C3orf49: variants seen among roughly 807,000 people sequenced by gnomAD.
The protein encoded by C3orf49 is putative uncharacterized protein C3orf49.
In C3orf49, 27 loss-of-function variants were observed where a neutral mutation model predicts 13.3. The observed-to-expected ratio is 2.02, with a 90% confidence interval of 1.49 to 2.79. The LOEUF is 2.79. Ranked by LOEUF, C3orf49 falls within the 30% of genes most tolerant of loss-of-function variation. C3orf49 has a pLI of 0.00. For missense variants in C3orf49, 242 were observed against 134.2 expected (o/e 1.80, Z -3.97); for synonymous variants, 87 against 47.6 (o/e 1.83, Z -3.40).
At chr3:63,835,489 A>G (rs1701612701) in intron 5 of C3orf49, 1 of 1,087,182 alleles carries the variant, frequency 9.2e-7, no homozygotes, top group African/African-American at 1.6e-5. Context: ...TTTTAAAATA[A>G]AAAAAGGGCT....
the C3orf49 span, among the ~76,000 whole-genome samples, chr3:63,781,083 G>T: frequency 6.6e-6 from 1 of 150,984 alleles, no homozygotes; most frequent in Non-Finnish European, 1.5e-5. Flanking sequence ...GTCCTGAATG[G>T]TAATGCCTAG....
At chr3:63,792,371 T>C in the C3orf49 span, among the ~76,000 whole-genome samples, 1 of 152,242 alleles carries the variant, frequency 6.6e-6, no homozygotes, top group South Asian at 2.1e-4. Context: ...TCAAGCCAAA[T>C]TGTTTTTCGG....
the C3orf49 span, among the ~76,000 whole-genome samples, chr3:63,800,313 A>T: frequency 7.2e-5 from 11 of 152,258 alleles, no homozygotes; most frequent in African/African-American, 2.6e-4. Flanking sequence ...TCAGGATATA[A>T]ATCTCAGTAA....
rs544215344 is a variant in C3orf49 at position 63,842,873 on chromosome 3, C to G, written c.850-2150C>G. ...CTCGGCTCACTGCAACCTCCACCTA[C>G]TGGGTTCAAGCCAGCCTCCTACCTC... On this transcript the variant is annotated intron_variant, in intron 5 of 6. Transcript: ENST00000295896. Among the ~76,000 whole-genome samples the G allele has an allele frequency of 6.6e-5, 10 of 152,202 alleles. No individual in the cohort carries two copies. In the East Asian group the frequency reaches 1.5e-3, roughly 24 times the overall value.
the C3orf49 span, among the ~76,000 whole-genome samples, chr3:63,791,418 T>C: frequency 1.3e-5 from 2 of 152,348 alleles, 1 homozygote; most frequent in South Asian, 4.1e-4. Context: ...AATTGATTGG[T>C]AAAGGCTACC....
At chr3:63,791,089 A>C in the C3orf49 span, among the ~76,000 whole-genome samples, 5 of 152,222 alleles carry the variant, frequency 3.3e-5, no homozygotes, top group Admixed American at 3.3e-4. Flanking sequence ...AACCTGCAAG[A>C]AACACCCAAA....
the C3orf49 span, among the ~76,000 whole-genome samples, chr3:63,801,176 C>A: frequency 6.6e-6 from 1 of 152,142 alleles, no homozygotes; most frequent in Non-Finnish European, 1.5e-5. Flanking sequence ...GGATTAATAT[C>A]TCAGTTTAAT....
chr3:63,828,491 C>T (rs1466069312), intron 3 of C3orf49, among the ~76,000 whole-genome samples: 1 of 151,960 alleles, frequency 6.6e-6, no homozygotes, highest in Non-Finnish European at 1.5e-5. Flanking sequence ...GTAGAGACAG[C>T]GTTTCGCCAT....
chr3:63,830,139 C>G (rs1385715298), intron 3 of C3orf49, among the ~76,000 whole-genome samples: 3 of 152,166 alleles, frequency 2.0e-5, no homozygotes, highest in Non-Finnish European at 4.4e-5. Flanking sequence ...GGTGTGGTCT[C>G]TTCAGTCCAT....
the C3orf49 span, among the ~76,000 whole-genome samples, chr3:63,796,415 A>C: frequency 2.0e-5 from 3 of 152,204 alleles, no homozygotes; most frequent in African/African-American, 7.2e-5. Context: ...AATGTTTAAA[A>C]GAACCCACAA....
chr3:63,802,697 T>C, the C3orf49 span, among the ~76,000 whole-genome samples: 5 of 152,202 alleles, frequency 3.3e-5, no homozygotes, highest in Admixed American at 6.5e-5. Flanking sequence ...GACAGCACTT[T>C]CCATACATTA....
At chr3:63,804,808 C>G in the C3orf49 span, among the ~76,000 whole-genome samples, 1 of 152,106 alleles carries the variant, frequency 6.6e-6, no homozygotes, top group Non-Finnish European at 1.5e-5. Context: ...CAAGTCAATT[C>G]CATGAGGGCA....
Position 63,835,281 on chromosome 3 carries a change from G to GTGT in C3orf49, c.849+3437_849+3438insTGT, listed in dbSNP as rs574009018. On this transcript the variant is annotated intron_variant, in intron 5 of 6. Transcript: ENST00000295896. ...ACCTGTATATATAGATATATAGACA[G>GTGT]ACAGATAGACAGATCATGAAGGCTA... The GTGT allele has an allele frequency of 4.6e-3, 7,474 of 1,612,106 alleles. 17 individuals carry two copies. Among genetic ancestry groups the GTGT allele is most frequent in the Non-Finnish European group, 5.3e-3 (6,244 of 1,178,698 alleles).
At chr3:63,794,162 T>TACACACAC in the C3orf49 span, among the ~76,000 whole-genome samples, 1 of 138,026 alleles carries the variant, frequency 7.2e-6, no homozygotes, top group African/African-American at 3.2e-5. Flanking sequence ...CTCAAATACC[T>TACACACAC]ACACACACAT....
chr3:63,839,225 G>A lies in C3orf49; in HGVS notation c.850-5798G>A, dbSNP rs924847624. Among the ~76,000 whole-genome samples the A allele has an allele frequency of 3.3e-5, 5 of 152,100 alleles. No individual in the cohort carries two copies. In the East Asian group the frequency reaches 9.6e-4, roughly 29 times the overall value. Reference sequence around the variant, plus strand: ...AGATTAGATATACGTGTGTGCGTGTGTATCAGGTTGGTACAAAAGTAATCG... The same window carrying A: ...AGATTAGATATACGTGTGTGCGTGTATATCAGGTTGGTACAAAAGTAATCG... On this transcript the variant is annotated intron_variant, in intron 5 of 6. Transcript: ENST00000295896.
chr3:63,820,425 T>C (rs1336203211), intron 1 of C3orf49, among the ~76,000 whole-genome samples: 1 of 152,178 alleles, frequency 6.6e-6, no homozygotes, highest in Non-Finnish European at 1.5e-5. Flanking sequence ...TATCAGAAAT[T>C]GCAGCAGTGT....
chr3:63,783,048 G>A, the C3orf49 span: 1 of 152,156 alleles, frequency 6.6e-6, no homozygotes, highest in Admixed American at 6.5e-5. Context: ...CTAATTGAAA[G>A]ATGAATGTTC....
At chr3:63,800,283 T>G in the C3orf49 span, among the ~76,000 whole-genome samples, 1 of 152,176 alleles carries the variant, frequency 6.6e-6, no homozygotes, top group Non-Finnish European at 1.5e-5. Flanking sequence ...AGTAAATGAC[T>G]GTGCCTGGGG....
intron 5 of C3orf49, chr3:63,835,471 G>T: frequency 7.8e-7 from 1 of 1,279,522 alleles, no homozygotes; most frequent in Non-Finnish European, 1.1e-6. Flanking sequence ...TAAGTTACTA[G>T]ATAGGATTTT....
Sources: gnomAD v4.1 joint callset for allele counts (sites outside exome capture counted in the v4.1 genomes callset) on GRCh38, gnomAD v4.1.1 for gene constraint, MANE v1.5 for transcripts, NCBI Gene and HGNC (gene_info 2026-07-23, HGNC 2026-07-21) for gene names.